CERS6: variants seen among roughly 807,000 people sequenced by gnomAD.
CERS6 encodes LAG1 homolog, ceramide synthase 6.
In CERS6, 26 loss-of-function variants were observed where a neutral mutation model predicts 56.8. That is an observed-to-expected ratio of 0.46 (90% confidence interval 0.34 to 0.63). The LOEUF is 0.63. Ranked by LOEUF, CERS6 falls within the 30% of genes least tolerant of loss-of-function variation. The probability of loss-of-function intolerance (pLI) is 0.01; values close to 1 mark genes in which losing one functional copy is unlikely to be tolerated. For synonymous variants in CERS6, 164 were observed against 173.3 expected (o/e 0.95, Z 0.42); for missense variants, 415 against 467.5 (o/e 0.89, Z 1.04).
At chr2:168,741,262 G>A (rs1433518956) in intron 8 of CERS6, among the ~76,000 whole-genome samples, 1 of 151,940 alleles carries the variant, frequency 6.6e-6, no homozygotes, top group African/African-American at 2.4e-5. Flanking sequence ...AGTGATAGTG[G>A]TGTTATTTTG....
intron 4 of CERS6, among the ~76,000 whole-genome samples, chr2:168,674,125 T>C (rs1192151977): frequency 6.6e-6 from 1 of 152,206 alleles, no homozygotes; most frequent in Non-Finnish European, 1.5e-5. Flanking sequence ...TCAAATTTCA[T>C]GTGCAAGAAA....
At chr2:168,686,263 T>G (rs55833511) in intron 4 of CERS6, among the ~76,000 whole-genome samples, 59 of 150,524 alleles carry the variant, frequency 3.9e-4, no homozygotes, top group African/African-American at 1.4e-3. Context: ...GAGAAATCTC[T>G]CTCTTCCTCT....
chr2:168,463,869 A>T (rs909361759), intron 1 of CERS6, among the ~76,000 whole-genome samples: 7 of 152,316 alleles, frequency 4.6e-5, no homozygotes, highest in African/African-American at 1.4e-4. Flanking sequence ...AGATCACGCC[A>T]CTGCACTCCA....
rs1381931979 is a variant in CERS6 at position 168,538,573 on chromosome 2, G to T, written c.171-9023G>T. ...CTAGGTAGCCCTGTCCTTCTTAGCA[G>T]GCTGTATTTTTCTCTCTAGCACTTC... is the stretch of plus-strand genomic sequence containing the variant. On this transcript the variant is annotated intron_variant, in intron 1 of 9. Transcript: ENST00000305747. Among the ~76,000 whole-genome samples the T allele has an allele frequency of 2.0e-5, 3 of 152,120 alleles. No homozygotes were observed. In the East Asian group the frequency reaches 5.8e-4, roughly 29 times the overall value.
chr2:168,709,728 C>G (rs151246943), intron 6 of CERS6, among the ~76,000 whole-genome samples: 17 of 152,286 alleles, frequency 1.1e-4, no homozygotes, highest in Non-Finnish European at 4.4e-5. Flanking sequence ...TTCTTTCAGC[C>G]ATGACTGTGT....
rs5836191 is a variant in CERS6 at position 168,609,974 on chromosome 2, G to GTTTTT, written c.408-20994_408-20990dup. 1.5e-3 allele frequency among the ~76,000 whole-genome samples: 144 copies of GTTTTT among 93,814 alleles called. 6 individuals carry two copies. The highest frequency in any genetic ancestry group is 2.3e-3 in the Admixed American group (16 of 7,008). 61.5% of individuals were successfully genotyped at this position (93,814 alleles called of 152,430 possible). A position where few individuals can be genotyped will look rare whatever the true frequency, so the allele number is the denominator to read the frequency against. On this transcript the variant is annotated intron_variant, in intron 3 of 9. Coordinates refer to ENST00000305747, the MANE Select transcript of CERS6 (RefSeq NM_203463.3). ...GGGAGTGAAGACAAAAGATGTGACT[G>GTTTTT]TTTTTTTTTTTTTTTTTTTTTGAGA...
At chr2:168,490,469 T>C (rs1436063673) in intron 1 of CERS6, among the ~76,000 whole-genome samples, 1 of 152,162 alleles carries the variant, frequency 6.6e-6, no homozygotes, top group Non-Finnish European at 1.5e-5. Context: ...AAAACAAAAC[T>C]GGAAACTCAT....
chr2:168,609,896 C>T (rs1478695532), intron 3 of CERS6, among the ~76,000 whole-genome samples: 1 of 151,118 alleles, frequency 6.6e-6, no homozygotes, highest in Non-Finnish European at 1.5e-5. Flanking sequence ...CCCAGTGACA[C>T]TAGGGCAGGT....
At position 168,730,652 on chromosome 2, in the gene CERS6, C is replaced by T. The variant is rs114137549; in HGVS notation, c.845+12674C>T. Reference sequence around the variant, plus strand: ...TCAATTAGGTGCCCAACCTCAAATTCGTAACAAGCTCCATGTCTCTCAGGG... The same window carrying T: ...TCAATTAGGTGCCCAACCTCAAATTTGTAACAAGCTCCATGTCTCTCAGGG... On this transcript the variant is annotated intron_variant, in intron 8 of 9. Coordinates refer to ENST00000305747, the MANE Select transcript of CERS6 (RefSeq NM_203463.3). Among the ~76,000 whole-genome samples, 828 of 152,240 alleles carry T rather than the reference C, an allele frequency of 5.4e-3. 6 individuals are homozygous for T. Among genetic ancestry groups the T allele is most frequent in the Non-Finnish European group, 8.3e-3 (563 of 67,998 alleles).
chr2:168,647,569 G>A (rs929761164), intron 4 of CERS6, among the ~76,000 whole-genome samples: 2 of 152,080 alleles, frequency 1.3e-5, no homozygotes, highest in Non-Finnish European at 2.9e-5. Context: ...GGAGTGGTGA[G>A]AGAGATCCTT....
rs1431073107 is a variant in CERS6 at position 168,770,137 on chromosome 2, T to G, written c.*475T>G. On this transcript the variant is annotated 3_prime_UTR_variant, in exon 10 of 10. Transcript: ENST00000305747. Reference sequence around the variant, plus strand: ...TCTAAATAGGTTTGCTTTCTTTTAGTTACAGTGCCCATTTTGAAATTGCCT... The same window carrying G: ...TCTAAATAGGTTTGCTTTCTTTTAGGTACAGTGCCCATTTTGAAATTGCCT... 6.2e-6 allele frequency: 1 copy of G among 161,024 alleles called. No individual in the cohort carries two copies. The highest frequency in any genetic ancestry group is 6.5e-5 in the Admixed American group (1 of 15,334). The allele number at this position is 161,024 out of a possible 1,614,324, so 10.0% of individuals were successfully genotyped here.
rs921302488 is a variant in CERS6, at chr2:168,601,556, C to CT, written c.408-29416dup. Among the ~76,000 whole-genome samples, 888 of 144,012 alleles carry CT rather than the reference C, an allele frequency of 6.2e-3. 10 individuals carry two copies. Among genetic ancestry groups the CT allele is most frequent in the African/African-American group, 0.018 (722 of 39,528 alleles). 94.5% of individuals were successfully genotyped at this position (144,012 alleles called of 152,430 possible). On this transcript the variant is annotated intron_variant, in intron 3 of 9. Transcript: ENST00000305747. The stretch of plus-strand genomic sequence containing the variant: ...GTGGACGCCAGTTTCTTGGCCTTAT[C>CT]TTTTTTTTTTTTTGAGACAGTCTCG...
chr2:168,490,171 C>A (rs1694344797), intron 1 of CERS6, among the ~76,000 whole-genome samples: 1 of 152,140 alleles, frequency 6.6e-6, no homozygotes, highest in Admixed American at 6.6e-5. Context: ...CTATACTGTT[C>A]TAGATCTGTG....
intron 4 of CERS6, among the ~76,000 whole-genome samples, chr2:168,638,603 ATAAAT>A (rs1274091485): frequency 1.3e-5 from 2 of 152,236 alleles, no homozygotes; most frequent in Non-Finnish European, 2.9e-5. Context: ...ATTGCCCAGA[ATAAAT>A]TAAAAACTTT....
chr2:168,484,553 A>G lies in CERS6; in HGVS notation c.170+27935A>G, dbSNP rs534419743. ...ACTGTAACCACACTGGTAAGGTGAC[A>G]TGTACCTTCATAGACACATAATCAT... On this transcript the variant is annotated intron_variant, in intron 1 of 9. Coordinates refer to ENST00000305747, the MANE Select transcript of CERS6 (RefSeq NM_203463.3). Among the ~76,000 whole-genome samples, 5 of 152,160 alleles carry G rather than the reference A, an allele frequency of 3.3e-5. No individual in the cohort carries two copies. The South Asian group carries it at 6.2e-4, about 19-fold the overall frequency.
At chr2:168,690,402 T>G in intron 4 of CERS6, among the ~76,000 whole-genome samples, 1 of 152,178 alleles carries the variant, frequency 6.6e-6, no homozygotes, top group East Asian at 1.9e-4. Context: ...ATGTTTGGAA[T>G]CTGTGTGTAC....
chr2:168,736,002 TTA>T (rs1224747389), intron 8 of CERS6, among the ~76,000 whole-genome samples: 2 of 152,088 alleles, frequency 1.3e-5, no homozygotes, highest in African/African-American at 4.8e-5. Context: ...GGCCAGGAGT[TTA>T]AGACTAGCCT....
intron 8 of CERS6, among the ~76,000 whole-genome samples, chr2:168,735,054 A>G (rs1227608928): frequency 2.6e-5 from 4 of 152,246 alleles, no homozygotes. Context: ...GCACAGATTC[A>G]AAGCATTTAA....
intron 1 of CERS6, among the ~76,000 whole-genome samples, chr2:168,529,658 T>C (rs78235911): frequency 2.0e-5 from 3 of 152,304 alleles, no homozygotes; most frequent in African/African-American, 7.2e-5. Context: ...ATGACAGGAA[T>C]CTGTATTGGC....
Sources: gnomAD v4.1 joint callset for allele counts (sites outside exome capture counted in the v4.1 genomes callset) on GRCh38, gnomAD v4.1.1 for gene constraint, MANE v1.5 for transcripts, NCBI Gene and HGNC (gene_info 2026-07-23, HGNC 2026-07-21) for gene names.